The following WDR70 variants were observed in gnomAD, a reference collection of about 807,000 sequenced individuals.
The protein encoded by WDR70 is WD repeat-containing protein 70.
In WDR70, 53 loss-of-function variants were observed where a neutral mutation model predicts 88.6. The observed-to-expected ratio is 0.60, with a 90% CI of 0.48 to 0.75. The LOEUF is 0.75. WDR70 is among the 30% of genes least tolerant of loss of function. The pLI, the probability that WDR70 is intolerant of heterozygous loss-of-function variation, is 0.00. For missense variants in WDR70, 610 were observed against 823.2 expected (o/e 0.74, Z 3.17); for synonymous variants, 280 against 270.0 (o/e 1.04, Z -0.36).
intron 8 of WDR70, among the ~76,000 whole-genome samples, chr5:37,497,962 T>C (rs183128805): frequency 2.7e-4 from 41 of 152,032 alleles, no homozygotes; most frequent in Non-Finnish European, 5.4e-4. Flanking sequence ...GCTGGGATTA[T>C]AAGCGTGCTC....
intron 10 of WDR70, among the ~76,000 whole-genome samples, chr5:37,672,170 G>T (rs1450015574): frequency 6.6e-6 from 1 of 152,094 alleles, no homozygotes; most frequent in African/African-American, 2.4e-5. Flanking sequence ...ATTAACCAGG[G>T]TCACAGTGCA....
intron 3 of WDR70, among the ~76,000 whole-genome samples, chr5:37,390,447 C>G (rs1223115730): frequency 6.6e-6 from 1 of 150,972 alleles, no homozygotes; most frequent in Non-Finnish European, 1.5e-5. Context: ...TCACGCCATT[C>G]TCTTGCCTCA....
chr5:37,641,697 A>G lies in WDR70; in HGVS notation c.1092+36459A>G, dbSNP rs564879303. 1.1e-3 allele frequency among the ~76,000 whole-genome samples: 161 copies of G among 152,218 alleles called. 1 individual carries two copies. Among genetic ancestry groups the G allele is most frequent in the African/African-American group, 3.4e-3 (140 of 41,552 alleles). ...CTCCCAAAGTGCTGGGATTACAAGC[A>G]TGAGTCACCGCACCTGGCCTCACAT... On this transcript the variant is annotated intron_variant, in intron 10 of 17. Coordinates refer to ENST00000265107, the MANE Select transcript of WDR70 (RefSeq NM_018034.4).
At chr5:37,492,767 A>C (rs1277625858) in intron 8 of WDR70, among the ~76,000 whole-genome samples, 1 of 152,216 alleles carries the variant, frequency 6.6e-6, no homozygotes, top group African/African-American at 2.4e-5. Context: ...GAGAAAACCA[A>C]GGGAAGTTTT....
chr5:37,508,104 G>C (rs1740615285), intron 8 of WDR70, among the ~76,000 whole-genome samples: 1 of 152,088 alleles, frequency 6.6e-6, no homozygotes, highest in Non-Finnish European at 1.5e-5. Flanking sequence ...GTAGTTAACT[G>C]TAGGTTTTTT....
chr5:37,542,123 C>T (rs1235147384), intron 9 of WDR70, among the ~76,000 whole-genome samples: 1 of 152,006 alleles, frequency 6.6e-6, no homozygotes, highest in Non-Finnish European at 1.5e-5. Flanking sequence ...CAGTGATATA[C>T]CATCTAGAGC....
chr5:37,673,705 T>C (rs529490649), intron 10 of WDR70, among the ~76,000 whole-genome samples: 7 of 151,170 alleles, frequency 4.6e-5, no homozygotes, highest in Non-Finnish European at 8.9e-5. Flanking sequence ...GCACAGATCA[T>C]CCCAACACAC....
chr5:37,604,087 A>G (rs1316845482), intron 9 of WDR70, among the ~76,000 whole-genome samples: 1 of 151,996 alleles, frequency 6.6e-6, no homozygotes, highest in Non-Finnish European at 1.5e-5. Flanking sequence ...ATTTACTTTC[A>G]TTTTTACATT....
intron 9 of WDR70, among the ~76,000 whole-genome samples, chr5:37,563,528 C>A (rs1197170574): frequency 1.6e-5 from 1 of 61,558 alleles, no homozygotes; most frequent in African/African-American, 5.1e-5. Flanking sequence ...CCTCACCTCC[C>A]GGATGGGGCG....
intron 10 of WDR70, among the ~76,000 whole-genome samples, chr5:37,672,569 A>C (rs977224459): frequency 6.6e-6 from 1 of 152,168 alleles, no homozygotes; most frequent in African/African-American, 2.4e-5. Context: ...GCCTATGTGC[A>C]CATCCAGGCA....
intron 9 of WDR70, among the ~76,000 whole-genome samples, chr5:37,533,457 T>TCACCACCACCAC (rs35578229): frequency 0.015 from 2,101 of 141,234 alleles, 67 homozygotes; most frequent in African/African-American, 0.053. Flanking sequence ...AACAAAACAA[T>TCACCACCACCAC]CACCACCACC....
chr5:37,518,103 T>C (rs1740949111), intron 9 of WDR70, among the ~76,000 whole-genome samples: 2 of 151,472 alleles, frequency 1.3e-5, no homozygotes, highest in African/African-American at 4.8e-5. Flanking sequence ...TTAGTAGAGA[T>C]GGGGTTTTAT....
chr5:37,481,965 C>T (rs192646983), intron 8 of WDR70, among the ~76,000 whole-genome samples: 2 of 152,312 alleles, frequency 1.3e-5, no homozygotes, highest in African/African-American at 4.8e-5. Flanking sequence ...ATGCCCTTTT[C>T]TAATACAGGG....
intron 2 of WDR70, among the ~76,000 whole-genome samples, chr5:37,380,755 C>T (rs1748401401): frequency 6.6e-6 from 1 of 152,138 alleles, no homozygotes; most frequent in Non-Finnish European, 1.5e-5. Context: ...TTAAGCCATC[C>T]TCCCACCTTA....
chr5:37,524,577 C>G (rs1019996421), intron 9 of WDR70, among the ~76,000 whole-genome samples: 2 of 152,086 alleles, frequency 1.3e-5, no homozygotes, highest in Admixed American at 1.3e-4. Flanking sequence ...CATCAACTAA[C>G]GAGCAAAATA....
rs111426175 is a variant in WDR70, at chr5:37,699,946, C to CA, written c.1193-1103dup. On this transcript the variant is annotated intron_variant, in intron 11 of 17. Transcript: ENST00000265107. ...TGAGTGACAGAGCAAGACTCTGTCT[C>CA]AAAAAAAAACAAAAAACAAAAACAA... Among the ~76,000 whole-genome samples the CA allele has an allele frequency of 2.2e-3, 262 of 119,496 alleles. 4 individuals are homozygous for CA. Among genetic ancestry groups the CA allele is most frequent in the African/African-American group, 6.7e-3 (210 of 31,432 alleles). The allele number at this position is 119,496 out of a possible 152,430, so 78.4% of individuals were successfully genotyped here.
At chr5:37,689,582 C>A (rs1253733046) in intron 10 of WDR70, among the ~76,000 whole-genome samples, 1 of 152,182 alleles carries the variant, frequency 6.6e-6, no homozygotes, top group Non-Finnish European at 1.5e-5. Flanking sequence ...CTGGAGTGGA[C>A]CTCCAGCAAA....
At chr5:37,432,060 G>A (rs1327725753) in intron 5 of WDR70, among the ~76,000 whole-genome samples, 1 of 152,114 alleles carries the variant, frequency 6.6e-6, no homozygotes, top group East Asian at 1.9e-4. Context: ...ATTCTTTTGG[G>A]TATATACCCA....
chr5:37,629,012 C>T (rs10060693), intron 10 of WDR70, among the ~76,000 whole-genome samples: 16,283 of 152,064 alleles, frequency 0.11, 2,816 homozygotes, highest in African/African-American at 0.36. Flanking sequence ...TTTTATTTCT[C>T]CTTCATTTCT....
Sources: allele counts gnomAD v4.1 joint callset (sites outside exome capture counted in the v4.1 genomes callset), GRCh38; gene constraint gnomAD v4.1.1; transcripts MANE v1.5; gene names NCBI Gene and HGNC (gene_info 2026-07-23, HGNC 2026-07-21).